The following CCDC88C variants were observed in gnomAD, a reference collection of about 807,000 sequenced individuals.
CCDC88C encodes protein Daple.
CCDC88C carries 131 observed loss-of-function variants against 198.8 expected under a neutral mutation model. The observed-to-expected ratio is 0.66, with a 90% CI of 0.57 to 0.76. The LOEUF is 0.76. CCDC88C is among the 30% of genes least tolerant of loss of function. The pLI is 0.00. For missense variants in CCDC88C, 2,553 were observed against 2,631.6 expected (o/e 0.97, Z 0.65); for synonymous variants, 1,166 against 1,114.7 (o/e 1.05, Z -0.92).
intron 3 of CCDC88C, among the ~76,000 whole-genome samples, chr14:91,368,768 C>T (rs1596120751): frequency 2.0e-5 from 3 of 152,284 alleles, no homozygotes; most frequent in South Asian, 2.1e-4. Flanking sequence ...GGAACGTCTA[C>T]GCTCATGCCA....
At chr14:91,343,549 A>G (rs1893393665) in intron 5 of CCDC88C, 50 bp downstream of exon 5, 3 of 1,610,890 alleles carry the variant, frequency 1.9e-6, no homozygotes, top group Non-Finnish European at 2.5e-6. Context: ...CAAACCCAAT[A>G]TGAGATGGCT....
At chr14:91,303,302 CCCCA>C (rs1301240029) in intron 20 of CCDC88C, among the ~76,000 whole-genome samples, 2 of 151,634 alleles carry the variant, frequency 1.3e-5, no homozygotes, top group Non-Finnish European at 1.5e-5. Flanking sequence ...TCTCCTGAGA[CCCCA>C]CCTCTGCTCC....
chr14:91,411,380 C>G (rs556753832), intron 2 of CCDC88C, among the ~76,000 whole-genome samples: 5 of 152,182 alleles, frequency 3.3e-5, no homozygotes, highest in Non-Finnish European at 7.3e-5. Context: ...CTATATGGTT[C>G]CATGAAGCCT....
rs920604950 is a variant in CCDC88C at position 91,279,157 on chromosome 14, C to T, written c.4768+81G>A. 2.5e-6 allele frequency: 3 copies of T among 1,213,912 alleles called. No homozygotes were observed. The African/African-American group carries it at 4.5e-5, about 18-fold the overall frequency. 75.2% of individuals were successfully genotyped at this position (1,213,912 alleles called of 1,614,324 possible). On this transcript the variant is annotated intron_variant, in intron 28 of 29. Coordinates refer to ENST00000389857, the MANE Select transcript of CCDC88C (RefSeq NM_001080414.4). ...TCAAGCGATCCACCTGCTTGGCCCT[C>T]CCAAAGTGCTGATTATAGGCATGAG... is the stretch of plus-strand genomic sequence containing the variant.
chr14:91,330,451 GCAGACTGGCCAGTC>G (rs1184041201), intron 10 of CCDC88C, among the ~76,000 whole-genome samples: 1 of 152,194 alleles, frequency 6.6e-6, no homozygotes, highest in African/African-American at 2.4e-5. Context: ...ACAGACAGAG[GCAGACTGGCCAGTC>G]CAGACCATTA....
intron 14 of CCDC88C, 97 bp from the exon 15 acceptor site, chr14:91,314,247 C>A: frequency 2.0e-6 from 2 of 990,918 alleles, no homozygotes; most frequent in Non-Finnish European, 3.0e-6. Flanking sequence ...AGGCCTTGAA[C>A]GGCTGTCCTA....
chr14:91,360,521 A>G (rs1894263729), intron 3 of CCDC88C, among the ~76,000 whole-genome samples: 1 of 152,246 alleles, frequency 6.6e-6, no homozygotes, highest in African/African-American at 2.4e-5. Flanking sequence ...ATGGTTCAGG[A>G]TCCAGCACTA....
chr14:91,330,478 G>A (rs1272762892), intron 10 of CCDC88C, among the ~76,000 whole-genome samples: 1 of 152,194 alleles, frequency 6.6e-6, no homozygotes, highest in Non-Finnish European at 1.5e-5. Context: ...GACCATTAGG[G>A]AGGCACTCCG....
chr14:91,347,086 G>A (rs1245263544), intron 4 of CCDC88C, among the ~76,000 whole-genome samples: 1 of 152,050 alleles, frequency 6.6e-6, no homozygotes, highest in East Asian at 1.9e-4. Flanking sequence ...ACCCTTCCCA[G>A]CCGTCACTGG....
In CCDC88C at chr14:91,291,183, G is replaced by A. The variant is rs534084579; in HGVS notation, c.4113-99C>T. ...CCTGGAACCTGGTGTACCCGGGGCT[G>A]GTATTTTTCCAGGATTGAGATGAGG... is the stretch of plus-strand genomic sequence containing the variant. On this transcript the variant is annotated intron_variant, in intron 23 of 29. Coordinates refer to ENST00000389857, the MANE Select transcript of CCDC88C (RefSeq NM_001080414.4). 9.1e-5 allele frequency: 64 copies of A among 706,178 alleles called. No individual in the cohort carries two copies. In the African/African-American group the frequency reaches 1.0e-3, roughly 12 times the overall value. The allele number at this position is 706,178 out of a possible 1,614,324, so 43.7% of individuals were successfully genotyped here. A position where few individuals can be genotyped will look rare whatever the true frequency, so the allele number is the denominator to read the frequency against.
At chr14:91,314,216 A>C in intron 14 of CCDC88C, 66 bp from the exon 15 acceptor site, 17 of 1,306,688 alleles carry the variant, frequency 1.3e-5, no homozygotes, top group Non-Finnish European at 1.7e-5. Context: ...ACATGGGCTC[A>C]CACTGGGGAT....
At chr14:91,366,391 CAGG>C (rs1425800599) in intron 3 of CCDC88C, among the ~76,000 whole-genome samples, 1 of 152,134 alleles carries the variant, frequency 6.6e-6, no homozygotes, top group African/African-American at 2.4e-5. Flanking sequence ...GAGGCTGAGG[CAGG>C]AGAATTGCTT....
intron 3 of CCDC88C, among the ~76,000 whole-genome samples, chr14:91,361,757 T>C (rs1894313405): frequency 6.6e-6 from 1 of 152,122 alleles, no homozygotes; most frequent in Non-Finnish European, 1.5e-5. Flanking sequence ...GAAAAGTCAA[T>C]GTGAAAAAAT....
chr14:91,308,323 G>C (rs1891649419), intron 17 of CCDC88C, 28 bp downstream of exon 17: 2 of 1,612,008 alleles, frequency 1.2e-6, no homozygotes, highest in South Asian at 2.2e-5. Context: ...TGGGCAGCTG[G>C]GCCCCACAGT....
rs1596028055 is a variant in CCDC88C, at chr14:91,291,011, C to T, written c.4186G>A (p.Asp1396Asn). The change falls in exon 24 of 30, where the codon GAT (aspartate) becomes AAT (asparagine). Residue 1396 changes from aspartate (D) to asparagine (N), a missense_variant. Coordinates refer to ENST00000389857, the MANE Select transcript of CCDC88C (RefSeq NM_001080414.4). ...TCAACTCACTTCTTTGGAGGAGGAT[C>T]ATAGAACTTGTATTGATCCATGATT... is the stretch of plus-strand genomic sequence containing the variant. ...EKIMDQYKFYDPPPKKKNHWI... is the reference protein window; with the variant it reads ...EKIMDQYKFYNPPPKKKNHWI... 1 of 1,585,304 alleles carries T rather than the reference C, an allele frequency of 6.3e-7. No homozygotes were observed. Among genetic ancestry groups the T allele is most frequent in the Non-Finnish European group, 8.6e-7 (1 of 1,159,842 alleles).
In CCDC88C at chr14:91,288,859, G is replaced by A. The variant is rs1029276542; in HGVS notation, c.4441+246C>T. On this transcript the variant is annotated intron_variant, in intron 25 of 29. Transcript: ENST00000389857. The surrounding 1 kb of genome is among the most constrained non-coding windows in gnomAD (Gnocchi z 4.2). ...GCAGCCAGGCTGCACTCTAGCCTGG[G>A]CAACAAGAGTGAAACTCCATCTCAA... 1 of 401,962 alleles carries A rather than the reference G, an allele frequency of 2.5e-6. No homozygotes were observed. Among genetic ancestry groups the A allele is most frequent in the Non-Finnish European group, 4.4e-6 (1 of 225,738 alleles). The allele number at this position is 401,962 out of a possible 1,614,324, so 24.9% of individuals were successfully genotyped here.
At chr14:91,398,158 G>A (rs1369445174) in intron 3 of CCDC88C, among the ~76,000 whole-genome samples, 1 of 152,194 alleles carries the variant, frequency 6.6e-6, no homozygotes, top group Non-Finnish European at 1.5e-5. Context: ...GAGTCCCACA[G>A]TTCCTCGCTG....
At chr14:91,336,764 A>C (rs2139853833) in intron 10 of CCDC88C, among the ~76,000 whole-genome samples, 1 of 152,294 alleles carries the variant, frequency 6.6e-6, no homozygotes, top group Middle Eastern at 3.4e-3. Context: ...TGAGGAACAG[A>C]CAGGTCCTCG....
chr14:91,276,431 A>G (rs941629622), intron 29 of CCDC88C, among the ~76,000 whole-genome samples: 1 of 152,278 alleles, frequency 6.6e-6, no homozygotes, highest in Non-Finnish European at 1.5e-5. Flanking sequence ...GGCCAGGGCC[A>G]TGTTTTATAT....
Sources: gnomAD v4.1 joint callset for allele counts (sites outside exome capture counted in the v4.1 genomes callset) on GRCh38, gnomAD v4.1.1 for gene constraint, Gnocchi (gnomAD v3.1) non-coding constraint, MANE v1.5 for transcripts, NCBI Gene and HGNC (gene_info 2026-07-23, HGNC 2026-07-21) for gene names.